Variants in COMMD10 observed in about 807,000 individuals in gnomAD.
The protein encoded by COMMD10 is COMM domain containing 10, also known as COMM domain-containing protein 10.
Under a neutral mutation model 28.9 loss-of-function variants are expected in COMMD10, and 33 were observed. The observed-to-expected ratio is 1.14, with a 90% CI of 0.87 to 1.53. The LOEUF (loss-of-function observed/expected upper bound fraction) is 1.53. COMMD10 is among the 40% of genes most tolerant of loss of function. COMMD10 has a pLI of 0.00. For missense variants in COMMD10, 310 were observed against 233.4 expected (o/e 1.33, Z -2.14); for synonymous variants, 110 against 81.7 (o/e 1.35, Z -1.87).
At chr5:116,148,576 A>T (rs1390114165) in intron 5 of COMMD10, among the ~76,000 whole-genome samples, 1 of 152,018 alleles carries the variant, frequency 6.6e-6, no homozygotes, top group African/African-American at 2.4e-5. Context: ...TCATTTATGG[A>T]ATCAGCAAAG....
At position 116,293,051 on chromosome 5, in the gene COMMD10, T is replaced by G. The variant is rs1751414052; in HGVS notation, c.*562T>G. 1 of 397,200 alleles carries G rather than the reference T, an allele frequency of 2.5e-6. No individual in the cohort carries two copies. The highest frequency in any genetic ancestry group is 4.4e-6 in the Non-Finnish European group (1 of 225,210). The allele number at this position is 397,200 out of a possible 1,614,324, so 24.6% of individuals were successfully genotyped here. ...GTTAATTCCAGTCTGAGCTTCTCTG[T>G]CAACTTCAGTTTCTCTCTCAGTTTA... On this transcript the variant is annotated 3_prime_UTR_variant, in exon 7 of 7. Coordinates refer to ENST00000274458, the MANE Select transcript of COMMD10 (RefSeq NM_016144.4).
rs979834306 is a variant in COMMD10 at position 116,120,594 on chromosome 5, C to T, written c.400-13474C>T. Among the ~76,000 whole-genome samples, 16 of 152,226 alleles carry T rather than the reference C, an allele frequency of 1.1e-4. No homozygotes were observed. In the East Asian group the frequency reaches 2.5e-3, roughly 24 times the overall value. On this transcript the variant is annotated intron_variant, in intron 4 of 6. Coordinates refer to ENST00000274458, the MANE Select transcript of COMMD10 (RefSeq NM_016144.4). ...GCAGTCCCTTACTGCCCTAACCTAG[C>T]CCCAAGCAACCCCTGCTCTACATTC...
intron 5 of COMMD10, among the ~76,000 whole-genome samples, chr5:116,230,349 C>G (rs1206918978): frequency 6.6e-6 from 1 of 152,016 alleles, no homozygotes; most frequent in East Asian, 1.9e-4. Context: ...AGATATTTCT[C>G]TACTGTAACC....
intron 5 of COMMD10, among the ~76,000 whole-genome samples, chr5:116,205,561 T>C (rs1188270206): frequency 6.6e-6 from 1 of 152,184 alleles, no homozygotes; most frequent in East Asian, 1.9e-4. Flanking sequence ...CATATGTATA[T>C]ATACATGTGT....
At position 116,201,295 on chromosome 5, in the gene COMMD10, G is replaced by T. The variant is rs140582484; in HGVS notation, c.510+67117G>T. ...CCTTTCCTTTGCTGGAAGCATGAGT[G>T]GATTTTTCTCCAGTATTCACTGTGA... On this transcript the variant is annotated intron_variant, in intron 5 of 6. Coordinates refer to ENST00000274458, the MANE Select transcript of COMMD10 (RefSeq NM_016144.4). Among the ~76,000 whole-genome samples the T allele has an allele frequency of 1.7e-3, 259 of 152,230 alleles. 2 individuals carry two copies. Among genetic ancestry groups the T allele is most frequent in the African/African-American group, 5.8e-3 (243 of 41,560 alleles).
chr5:116,266,726 C>A (rs1750595440), intron 5 of COMMD10, among the ~76,000 whole-genome samples: 1 of 151,676 alleles, frequency 6.6e-6, no homozygotes, highest in Admixed American at 6.6e-5. Flanking sequence ...AATCCAGCAG[C>A]ACATCAAAAA....
chr5:116,278,175 A>G (rs899391643), intron 5 of COMMD10, among the ~76,000 whole-genome samples: 1 of 151,904 alleles, frequency 6.6e-6, no homozygotes, highest in East Asian at 1.9e-4. Flanking sequence ...AAAATATACC[A>G]TTACCTATAG....
At chr5:116,247,613 A>G (rs982021086) in intron 5 of COMMD10, among the ~76,000 whole-genome samples, 6 of 152,138 alleles carry the variant, frequency 3.9e-5, no homozygotes, top group African/African-American at 1.4e-4. Context: ...CATACACACC[A>G]TGGAATACTA....
intron 5 of COMMD10, among the ~76,000 whole-genome samples, chr5:116,137,681 C>A (rs1161586890): frequency 6.6e-6 from 1 of 151,900 alleles, no homozygotes; most frequent in Non-Finnish European, 1.5e-5. Context: ...TCACTTCTAA[C>A]ATACAAATGA....
intron 5 of COMMD10, among the ~76,000 whole-genome samples, chr5:116,257,299 C>T (rs1364562078): frequency 1.3e-5 from 2 of 151,586 alleles, no homozygotes; most frequent in Non-Finnish European, 2.9e-5. Flanking sequence ...ATTAGGGATG[C>T]ACAACCTTTA....
intron 5 of COMMD10, among the ~76,000 whole-genome samples, chr5:116,234,725 A>G (rs141473224): frequency 2.6e-5 from 4 of 152,270 alleles, no homozygotes; most frequent in Non-Finnish European, 4.4e-5. Flanking sequence ...AAAAAATAGT[A>G]CTCGTTCTAA....
At chr5:116,211,238 T>A (rs1401763569) in intron 5 of COMMD10, among the ~76,000 whole-genome samples, 1 of 152,098 alleles carries the variant, frequency 6.6e-6, no homozygotes, top group Non-Finnish European at 1.5e-5. Flanking sequence ...CTAAGAAATG[T>A]GTTGTTAGGC....
At chr5:116,164,125 C>G (rs1020412412) in intron 5 of COMMD10, among the ~76,000 whole-genome samples, 3 of 152,052 alleles carry the variant, frequency 2.0e-5, no homozygotes, top group East Asian at 3.9e-4. Flanking sequence ...TGGACTAGCT[C>G]TGCAAACATG....
chr5:116,112,611 T>C (rs11241361), intron 4 of COMMD10, among the ~76,000 whole-genome samples: 2,019 of 152,040 alleles, frequency 0.013, 47 homozygotes, highest in African/African-American at 0.045. Context: ...TGACAGAATG[T>C]TCTCTATCTC....
At chr5:116,208,392 CCT>C (rs949843152) in intron 5 of COMMD10, among the ~76,000 whole-genome samples, 4 of 152,112 alleles carry the variant, frequency 2.6e-5, no homozygotes, top group Non-Finnish European at 4.4e-5. Flanking sequence ...TTTAACATCC[CCT>C]GTCTAGCCAT....
chr5:116,172,866 T>G (rs1427046743), intron 5 of COMMD10, among the ~76,000 whole-genome samples: 1 of 152,148 alleles, frequency 6.6e-6, no homozygotes, highest in African/African-American at 2.4e-5. Context: ...GAAATTTCAG[T>G]GTTCTTGCAA....
rs529606732 is a variant in COMMD10, at chr5:116,246,673, G to T, written c.511-44844G>T. ...CTAATGGAACAGAATAGAGAACCCA[G>T]ATATAAGGCCATATACCTACAACTA... On this transcript the variant is annotated intron_variant, in intron 5 of 6. Transcript: ENST00000274458. Among the ~76,000 whole-genome samples, 6 of 152,170 alleles carry T rather than the reference G, an allele frequency of 3.9e-5. No individual in the cohort carries two copies. The East Asian group carries it at 1.2e-3, about 29-fold the overall frequency.
intron 5 of COMMD10, among the ~76,000 whole-genome samples, chr5:116,250,392 T>C (rs1750075867): frequency 6.6e-6 from 1 of 151,644 alleles, no homozygotes; most frequent in South Asian, 2.1e-4. Context: ...GTTTAGTTCT[T>C]AGAAAGGGTA....
intron 2 of COMMD10, among the ~76,000 whole-genome samples, chr5:116,090,148 A>AG (rs386404762): frequency 2.3e-4 from 1 of 4,440 alleles, no homozygotes; most frequent in Non-Finnish European, 5.1e-4. Context: ...AATATGAGGG[A>AG]CTAAGACAAC....
Sources: allele counts gnomAD v4.1 joint callset (sites outside exome capture counted in the v4.1 genomes callset), GRCh38; gene constraint gnomAD v4.1.1; transcripts MANE v1.5; gene names NCBI Gene and HGNC (gene_info 2026-07-23, HGNC 2026-07-21).